The following RBM20 variants were observed in gnomAD, a reference collection of about 807,000 sequenced individuals.
The protein encoded by RBM20 is RNA-binding protein 20.
A neutral mutation model predicts 110.1 loss-of-function variants in RBM20; 51 were observed. The ratio of observed to expected loss-of-function variants is 0.46; its 90% CI spans 0.37 to 0.59. RBM20 has a LOEUF of 0.59. Among genes scored for constraint, RBM20 ranks in the 20% least tolerant of loss-of-function variants. The pLI, the probability that RBM20 is intolerant of heterozygous loss-of-function variation, is 0.00. For missense variants in RBM20, 1,512 were observed against 1,574.9 expected, an observed-to-expected ratio of 0.96 and a Z score of 0.68; for synonymous variants, 589 against 618.2, an observed-to-expected ratio of 0.95 and a Z score of 0.70.
intron 1 of RBM20, among the ~76,000 whole-genome samples, chr10:110,708,521 A>C (rs2134907252): frequency 6.6e-6 from 1 of 152,288 alleles, no homozygotes; most frequent in South Asian, 2.1e-4. Context: ...CTTATTTACT[A>C]GTTTCTGGTA....
At chr10:110,793,232 GA>G (rs1485300875) in intron 5 of RBM20, among the ~76,000 whole-genome samples, 7 of 152,190 alleles carry the variant, frequency 4.6e-5, no homozygotes, top group Non-Finnish European at 1.0e-4. Context: ...CTTCTAGGAG[GA>G]TGCTCTTTCC....
At chr10:110,789,486 C>G (rs1272353448) in intron 5 of RBM20, among the ~76,000 whole-genome samples, 2 of 151,392 alleles carry the variant, frequency 1.3e-5, no homozygotes, top group Non-Finnish European at 2.9e-5. Context: ...GAGACAGGGT[C>G]TCGCTGTGTC....
chr10:110,753,216 A>C (rs1479445437), intron 1 of RBM20, among the ~76,000 whole-genome samples: 3 of 151,994 alleles, frequency 2.0e-5, no homozygotes, highest in African/African-American at 7.2e-5. Context: ...TACAGGTGTG[A>C]GCCACCGTGC....
At chr10:110,702,964 TG>T (rs1358872304) in intron 1 of RBM20, among the ~76,000 whole-genome samples, 7 of 151,292 alleles carry the variant, frequency 4.6e-5, no homozygotes, top group African/African-American at 7.3e-5. Flanking sequence ...ATTAAGAGTT[TG>T]GGGTTTGGGG....
intron 1 of RBM20, among the ~76,000 whole-genome samples, chr10:110,763,751 CTTTTTTTT>C (rs56845100): frequency 3.1e-5 from 2 of 64,384 alleles, no homozygotes; most frequent in Non-Finnish European, 5.7e-5. Flanking sequence ...GGCTTCTTGG[CTTTTTTTT>C]TTTTTTTTTT....
intron 1 of RBM20, among the ~76,000 whole-genome samples, chr10:110,767,202 C>G (rs936758053): frequency 8.7e-5 from 10 of 115,568 alleles, no homozygotes; most frequent in Admixed American, 2.6e-4. Context: ...GGCGGCTGGC[C>G]GGGCGGGGGG....
At position 110,823,628 on chromosome 10, in the gene RBM20, A is replaced by G. The variant is rs774391134; in HGVS notation, c.3451+14A>G. ...GCATTCCTCTAGGTAAGCAAAACAC[A>G]CAGTCTTTCCTGAAATTCAGGTCTA... On this transcript the variant is annotated intron_variant, in intron 12 of 13. Coordinates refer to ENST00000369519, the MANE Select transcript of RBM20 (RefSeq NM_001134363.3). 3.5e-5 allele frequency: 54 copies of G among 1,550,846 alleles called. No homozygotes were observed. The highest frequency in any genetic ancestry group is 4.2e-5 in the Non-Finnish European group (48 of 1,146,718).
chr10:110,713,069 T>C, intron 1 of RBM20, among the ~76,000 whole-genome samples: 1 of 152,196 alleles, frequency 6.6e-6, no homozygotes, highest in East Asian at 1.9e-4. Flanking sequence ...GTCCACTCCC[T>C]CAGTGCTTGC....
At chr10:110,809,816 A>C (rs1204827324) in intron 7 of RBM20, among the ~76,000 whole-genome samples, 1 of 152,192 alleles carries the variant, frequency 6.6e-6, no homozygotes, top group Admixed American at 6.5e-5. Flanking sequence ...TCTTTTCACT[A>C]TCTGTGTGAC....
intron 1 of RBM20, among the ~76,000 whole-genome samples, chr10:110,754,173 C>G (rs1001568553): frequency 6.6e-6 from 1 of 152,134 alleles, no homozygotes; most frequent in Non-Finnish European, 1.5e-5. Context: ...AGATATTATT[C>G]CACTGTCTTT....
chr10:110,691,781 A>T (rs1299525166), intron 1 of RBM20, among the ~76,000 whole-genome samples: 1 of 152,124 alleles, frequency 6.6e-6, no homozygotes, highest in Non-Finnish European at 1.5e-5. Flanking sequence ...ATTTTTATGA[A>T]CTTCAATTTA....
chr10:110,738,899 C>T (rs12782675), intron 1 of RBM20, among the ~76,000 whole-genome samples: 43,437 of 151,954 alleles, frequency 0.29, 6,664 homozygotes, highest in Middle Eastern at 0.37. Context: ...GTGTGTTGGT[C>T]TGAGAACTCT....
At chr10:110,807,299 G>A (rs1251237143) in intron 7 of RBM20, among the ~76,000 whole-genome samples, 1 of 152,208 alleles carries the variant, frequency 6.6e-6, no homozygotes, top group Non-Finnish European at 1.5e-5. Flanking sequence ...TGGGCTGAAA[G>A]TGACCCCAGG....
At chr10:110,668,759 A>G (rs1157215326) in intron 1 of RBM20, among the ~76,000 whole-genome samples, 1 of 152,124 alleles carries the variant, frequency 6.6e-6, no homozygotes, top group African/African-American at 2.4e-5. Context: ...AGGGGAGGGT[A>G]GAGGCAGAGT....
At chr10:110,700,385 A>G (rs918523018) in intron 1 of RBM20, among the ~76,000 whole-genome samples, 4 of 152,198 alleles carry the variant, frequency 2.6e-5, no homozygotes, top group East Asian at 1.9e-4. Flanking sequence ...GGAGTGTGGA[A>G]TTGGCAACCT....
intron 1 of RBM20, among the ~76,000 whole-genome samples, chr10:110,657,013 T>G (rs1258238472): frequency 6.8e-6 from 1 of 147,762 alleles, no homozygotes; most frequent in Non-Finnish European, 1.5e-5. Flanking sequence ...GTGGGTCATA[T>G]GGTAATTCTT....
At chr10:110,655,688 A>T (rs1358435414) in intron 1 of RBM20, among the ~76,000 whole-genome samples, 1 of 152,220 alleles carries the variant, frequency 6.6e-6, no homozygotes, top group African/African-American at 2.4e-5. Flanking sequence ...CTTTGCAGAC[A>T]TTGTTACAAG....
In RBM20 at chr10:110,739,354, G is replaced by A. The variant is rs1036898515; in HGVS notation, c.192-41447G>A. ...TGCCCACTCTGGGTTACTGTGTCTCGCACTGTCCTGGACACTAGGGATTCA... is the reference window on the plus strand; with the variant it reads ...TGCCCACTCTGGGTTACTGTGTCTCACACTGTCCTGGACACTAGGGATTCA... On this transcript the variant is annotated intron_variant, in intron 1 of 13. Transcript: ENST00000369519. This position sits in a 1 kb window ranked among gnomAD's most constrained non-coding sequence, Gnocchi z 4.1. Among the ~76,000 whole-genome samples, 6 of 152,086 alleles carry A rather than the reference G, an allele frequency of 3.9e-5. No individual in the cohort carries two copies. The highest frequency in any genetic ancestry group is 2.0e-4 in the Admixed American group (3 of 15,270).
In RBM20 at chr10:110,781,803, G is replaced by T; in HGVS notation, c.1194G>T (p.Glu398Asp). Reference sequence around the variant, plus strand: ...CTGTGCGGCCCCTGCAGGCTCATGAGCTGAACGACTTTCACGGTGTGGCCC... The same window carrying T: ...CTGTGCGGCCCCTGCAGGCTCATGATCTGAACGACTTTCACGGTGTGGCCC... ...LLSVRPLQAH[E>D]LNDFHGVAPL... is the part of the protein sequence containing the mutation. Residue 398 changes from glutamate to aspartate, a missense_variant, in exon 2 of 14, where the codon GAG becomes GAT. By Grantham distance (45) the Glu-to-Asp change is conservative. Around this residue, in one of 3 missense-constraint regions of RBM20, gnomAD observed 1,149 missense variants for 1,169.4 expected, o/e 0.98. Transcript: ENST00000369519. 6.4e-7 allele frequency: 1 copy of T among 1,551,782 alleles called. No homozygotes were observed. The highest frequency in any genetic ancestry group is 1.2e-5 in the South Asian group (1 of 84,064).
Sources: allele counts gnomAD v4.1 joint callset (sites outside exome capture counted in the v4.1 genomes callset), GRCh38; gene constraint gnomAD v4.1.1; regional missense constraint gnomAD v4.1.1; non-coding constraint Gnocchi (gnomAD v3.1); transcripts MANE v1.5; gene names NCBI Gene and HGNC (gene_info 2026-07-23, HGNC 2026-07-21).